HEATR5A: variants seen among roughly 807,000 people sequenced by gnomAD.
The protein encoded by HEATR5A is HEAT repeat containing 5A, also known as HEAT repeat-containing protein 5A.
In HEATR5A, 178 loss-of-function variants were observed where a neutral mutation model predicts 218.8. The ratio of observed to expected loss-of-function variants is 0.81; its 90% CI spans 0.72 to 0.92. HEATR5A has a LOEUF of 0.92. HEATR5A is among the 40% of genes least tolerant of loss of function. HEATR5A has a pLI of 0.00. For missense variants in HEATR5A, 2,420 were observed against 2,418.9 expected, an observed-to-expected ratio of 1.00 and a Z score of -0.01; for synonymous variants, 864 against 871.6, an observed-to-expected ratio of 0.99 and a Z score of 0.15.
At chr14:31,351,982 C>T (rs370546305) in intron 16 of HEATR5A, among the ~76,000 whole-genome samples, 1 of 152,070 alleles carries the variant, frequency 6.6e-6, no homozygotes. Context: ...ATTTATTCAA[C>T]CACTCTGCTA....
At chr14:31,338,428 T>G (rs1370739675) in intron 21 of HEATR5A, among the ~76,000 whole-genome samples, 2 of 152,100 alleles carry the variant, frequency 1.3e-5, no homozygotes, top group African/African-American at 2.4e-5. Flanking sequence ...TATGTATTGA[T>G]AGAATACATA....
At chr14:31,309,992 C>T (rs542417162) in intron 28 of HEATR5A, among the ~76,000 whole-genome samples, 12 of 152,108 alleles carry the variant, frequency 7.9e-5, no homozygotes, top group South Asian at 2.1e-4. Flanking sequence ...TGTGAGCCAC[C>T]GCGCCTGGCC....
chr14:31,419,112 A>T (rs1316222747), intron 1 of HEATR5A, among the ~76,000 whole-genome samples: 1 of 152,180 alleles, frequency 6.6e-6, no homozygotes, highest in Non-Finnish European at 1.5e-5. Context: ...GAGGGAACTT[A>T]AGCTAGAATT....
At chr14:31,343,781 A>T in intron 21 of HEATR5A, 115 bp downstream of exon 21, 1 of 749,636 alleles carries the variant, frequency 1.3e-6, no homozygotes, top group Non-Finnish European at 1.9e-6. Context: ...GGAAATAGCT[A>T]CGTATATAAC....
intron 13 of HEATR5A, among the ~76,000 whole-genome samples, chr14:31,367,001 T>TAG (rs1368160366): frequency 1.3e-5 from 2 of 152,156 alleles, no homozygotes; most frequent in African/African-American, 4.8e-5. Flanking sequence ...TAACCCTATT[T>TAG]AGTTTCAAAT....
chr14:31,322,284 C>CA (rs1900132039), intron 24 of HEATR5A, among the ~76,000 whole-genome samples: 1 of 152,164 alleles, frequency 6.6e-6, no homozygotes, highest in Non-Finnish European at 1.5e-5. Flanking sequence ...CAGAAGAAAT[C>CA]ACGTCTTAGT....
chr14:31,355,866 T>C (rs1400689097), intron 16 of HEATR5A, among the ~76,000 whole-genome samples: 1 of 152,238 alleles, frequency 6.6e-6, no homozygotes, highest in Non-Finnish European at 1.5e-5. Flanking sequence ...CAATTACATA[T>C]GCATTAATAA....
intron 12 of HEATR5A, among the ~76,000 whole-genome samples, chr14:31,372,728 G>A (rs1386089838): frequency 6.6e-6 from 1 of 152,142 alleles, no homozygotes; most frequent in Non-Finnish European, 1.5e-5. Context: ...TCAGGAGGCT[G>A]AGACAGGAGA....
rs1306724040 is a variant in HEATR5A, at chr14:31,394,226, A to G, written c.598T>C (p.Cys200Arg). Residue 200 changes from cysteine (C) to arginine (R), a missense_variant and splice_region_variant, in exon 6 of 36, where the codon TGT (cysteine) becomes CGT (arginine). Transcript: ENST00000543095. ...SMAVRCAAAKCLLELQNEAIF... is the reference protein window; with the variant it reads ...SMAVRCAAAKRLLELQNEAIF... ...GCTTCATTCTGAAGTTCAAGGAGAC[A>G]CTATTCAATTGGACAAAGAGAAATT... The G allele has an allele frequency of 6.8e-7, 1 of 1,467,706 alleles. No homozygotes were observed. Among genetic ancestry groups the G allele is most frequent in the Admixed American group, 2.6e-5 (1 of 38,124 alleles). 90.9% of individuals were successfully genotyped at this position (1,467,706 alleles called of 1,614,324 possible). A position where few individuals can be genotyped will look rare whatever the true frequency, so the allele number is the denominator to read the frequency against.
intron 19 of HEATR5A, among the ~76,000 whole-genome samples, chr14:31,346,599 T>C (rs559997517): frequency 6.6e-6 from 1 of 152,310 alleles, no homozygotes; most frequent in African/African-American, 2.4e-5. Flanking sequence ...GTCAACACTT[T>C]GAGGTAGTAA....
chr14:31,398,770 A>G lies in HEATR5A; in HGVS notation c.350T>C (p.Val117Ala), dbSNP rs2030755054. 1 of 1,519,856 alleles carries G rather than the reference A, an allele frequency of 6.6e-7. No homozygotes were observed. 94.1% of individuals were successfully genotyped at this position (1,519,856 alleles called of 1,614,324 possible). A position where few individuals can be genotyped will look rare whatever the true frequency, so the allele number is the denominator to read the frequency against. ...SYLPTKLAAVVCLGSLYKKLG... is the reference protein window; with the variant it reads ...SYLPTKLAAVACLGSLYKKLG... ...CTTCTTGTACAAGGAACCCAAACATACCACAGCAGCACTGAAACAACATTT... is the reference window on the plus strand; with the variant it reads ...CTTCTTGTACAAGGAACCCAAACATGCCACAGCAGCACTGAAACAACATTT... Residue 117 changes from valine (V) to alanine (A), a missense_variant, in exon 4 of 36, where the codon GTA becomes GCA. Coordinates refer to ENST00000543095, the MANE Select transcript of HEATR5A (RefSeq NM_015473.4).
intron 32 of HEATR5A, among the ~76,000 whole-genome samples, 160 bp downstream of exon 32, chr14:31,304,745 T>C (rs1899501941): frequency 6.6e-6 from 1 of 152,232 alleles, no homozygotes; most frequent in South Asian, 2.1e-4. Context: ...AGTAAAACAA[T>C]TTATTAAAAT....
chr14:31,298,735 C>T (rs1210476673), intron 33 of HEATR5A, among the ~76,000 whole-genome samples: 1 of 152,146 alleles, frequency 6.6e-6, no homozygotes, highest in Non-Finnish European at 1.5e-5. Context: ...GCTTTCCTTT[C>T]TAATACTTCT....
rs1450145630 is a variant in HEATR5A at position 31,305,167 on chromosome 14, C to G, written c.4977G>C (p.Gly1659=). Residue 1659 remains glycine, a synonymous_variant, in exon 32 of 36, where the codon GGG becomes GGC. Transcript: ENST00000543095. ...EKRRSAEVDD[G]AAEKETLPEF... Reference sequence around the variant, plus strand: ...CTGGCAGAGTTTCCTTTTCAGCAGCCCCATCATCAACTAAAAGAAAGAATA... The same window carrying G: ...CTGGCAGAGTTTCCTTTTCAGCAGCGCCATCATCAACTAAAAGAAAGAATA... The G allele has an allele frequency of 6.2e-7, 1 of 1,613,150 alleles. No homozygotes were observed. The highest frequency in any genetic ancestry group is 1.7e-5 in the Admixed American group (1 of 59,718).
intron 24 of HEATR5A, among the ~76,000 whole-genome samples, chr14:31,322,456 G>A (rs968231812): frequency 1.3e-5 from 2 of 152,160 alleles, no homozygotes; most frequent in African/African-American, 4.8e-5. Flanking sequence ...TTCATACTCA[G>A]ACTGGCAACA....
chr14:31,386,505 C>A lies in HEATR5A; in HGVS notation c.1260G>T (p.Met420Ile). ...CAAGTTCTTGTAAAGCACAAACCAGCATATGTTGGCTAGCGGCTACATCTG... is the reference window on the plus strand; with the variant it reads ...CAAGTTCTTGTAAAGCACAAACCAGAATATGTTGGCTAGCGGCTACATCTG... ...GSTDVAASQH[M>I]LVCALQELGN... is the part of the protein sequence containing the mutation. The change falls in exon 9 of 36, where the codon ATG becomes ATT. Residue 420 changes from methionine (M) to isoleucine (I), a missense_variant. Transcript: ENST00000543095. The A allele has an allele frequency of 6.2e-7, 1 of 1,612,036 alleles. No individual in the cohort carries two copies. Among genetic ancestry groups the A allele is most frequent in the African/African-American group, 1.3e-5 (1 of 74,926 alleles).
chr14:31,300,388 A>G (rs1899331462), intron 33 of HEATR5A, among the ~76,000 whole-genome samples: 1 of 151,868 alleles, frequency 6.6e-6, no homozygotes, highest in South Asian at 2.1e-4. Flanking sequence ...CCCGGGTTCA[A>G]GCGATTCCTA....
chr14:31,372,571 G>A (rs1033872784), intron 12 of HEATR5A, among the ~76,000 whole-genome samples: 1 of 152,144 alleles, frequency 6.6e-6, no homozygotes, highest in African/African-American at 2.4e-5. Flanking sequence ...GCTCACACCC[G>A]TAATCCCAGC....
At chr14:31,322,622 A>G (rs1221165890) in intron 24 of HEATR5A, among the ~76,000 whole-genome samples, 1 of 151,976 alleles carries the variant, frequency 6.6e-6, no homozygotes, top group Non-Finnish European at 1.5e-5. Context: ...AGTTTGAGAC[A>G]GCCTGGGCAA....
Sources: gnomAD v4.1 joint callset for allele counts (sites outside exome capture counted in the v4.1 genomes callset) on GRCh38, gnomAD v4.1.1 for gene constraint, MANE v1.5 for transcripts, NCBI Gene and HGNC (gene_info 2026-07-23, HGNC 2026-07-21) for gene names.